Variants in PSMB2 observed in about 807,000 individuals in gnomAD.
PSMB2 encodes the protein proteasome subunit beta type-2.
Under a neutral mutation model 25.7 loss-of-function variants are expected in PSMB2, and 13 were observed. The ratio of observed to expected loss-of-function variants is 0.51; its 90% CI spans 0.33 to 0.80. The LOEUF is 0.80. Ranked by LOEUF, PSMB2 falls within the 30% of genes least tolerant of loss-of-function variation. The pLI is 0.02. For missense variants in PSMB2, 202 were observed against 259.0 expected, an observed-to-expected ratio of 0.78 and a Z score of 1.51; for synonymous variants, 87 against 96.2, an observed-to-expected ratio of 0.90 and a Z score of 0.56.
intron 3 of PSMB2, among the ~76,000 whole-genome samples, chr1:35,622,845 A>T (rs934417075): frequency 2.6e-5 from 4 of 151,998 alleles, no homozygotes; most frequent in African/African-American, 9.7e-5. Flanking sequence ...AGAAAAAAAA[A>T]TTTCCTGATA....
intron 1 of PSMB2, among the ~76,000 whole-genome samples, chr1:35,640,636 A>C (rs1557461838): frequency 6.6e-6 from 1 of 151,820 alleles, no homozygotes; most frequent in Non-Finnish European, 1.5e-5. Context: ...GACACCAGGA[A>C]ACTTATCAGA....
At chr1:35,626,678 A>G (rs1370449425) in intron 3 of PSMB2, among the ~76,000 whole-genome samples, 1 of 152,266 alleles carries the variant, frequency 6.6e-6, no homozygotes, top group African/African-American at 2.4e-5. Flanking sequence ...TTGGAAACAT[A>G]TCTAAGAGAA....
intron 3 of PSMB2, among the ~76,000 whole-genome samples, chr1:35,630,248 CAGTCACAGGTATTA>C: frequency 6.6e-6 from 1 of 152,150 alleles, no homozygotes; most frequent in East Asian, 1.9e-4. Flanking sequence ...TAGAGACTTT[CAGTCACAGGTATTA>C]AGTAATATGG....
rs545564976 is a variant in PSMB2 at position 35,612,863 on chromosome 1, A to G, written c.286-3455T>C. ...TTAGAACCCAGATGTTTTGTCTTCA[A>G]TGAAGATCTTGTCCATACTATGAGA... is the stretch of plus-strand genomic sequence containing the variant. On this transcript the variant is annotated intron_variant, in intron 3 of 5. Coordinates refer to ENST00000373237, the MANE Select transcript of PSMB2 (RefSeq NM_002794.5). 1.2e-4 allele frequency among the ~76,000 whole-genome samples: 18 copies of G among 152,358 alleles called. No homozygotes were observed. The East Asian group carries it at 2.1e-3, about 18-fold the overall frequency.
chr1:35,637,465 T>C (rs1190279882), intron 1 of PSMB2, among the ~76,000 whole-genome samples: 3 of 152,174 alleles, frequency 2.0e-5, no homozygotes, highest in East Asian at 3.8e-4. Context: ...GTTACAGTTA[T>C]TGCCTAAGGA....
chr1:35,629,597 C>A (rs1435087463), intron 3 of PSMB2, among the ~76,000 whole-genome samples: 1 of 152,022 alleles, frequency 6.6e-6, no homozygotes, highest in Non-Finnish European at 1.5e-5. Context: ...TTGCTTGAGT[C>A]CAGGAGTTCA....
chr1:35,601,240 T>C lies in PSMB2; in HGVS notation c.*2027A>G. On this transcript the variant is annotated 3_prime_UTR_variant, in exon 6 of 6. Coordinates refer to ENST00000373237, the MANE Select transcript of PSMB2 (RefSeq NM_002794.5). ...TGCCACCACGCCTGGCTAATTGTTATATATTTTTTTAGTAGAGATGGGGTT... is the reference window on the plus strand; with the variant it reads ...TGCCACCACGCCTGGCTAATTGTTACATATTTTTTTAGTAGAGATGGGGTT... The C allele has an allele frequency of 1.7e-6, 1 of 590,610 alleles. No homozygotes were observed. Among genetic ancestry groups the C allele is most frequent in the Non-Finnish European group, 2.1e-6 (1 of 469,752 alleles). The allele number at this position is 590,610 out of a possible 1,614,324, so 36.6% of individuals were successfully genotyped here.
intron 3 of PSMB2, among the ~76,000 whole-genome samples, chr1:35,624,211 T>G (rs1463309199): frequency 1.3e-5 from 2 of 152,192 alleles, no homozygotes; most frequent in African/African-American, 2.4e-5. Context: ...GGTTGTGGTC[T>G]TGACATAAGA....
chr1:35,617,691 C>A (rs544215080), intron 3 of PSMB2, among the ~76,000 whole-genome samples: 181 of 152,196 alleles, frequency 1.2e-3, no homozygotes, highest in Admixed American at 2.1e-3. Context: ...AAACAGTATA[C>A]GTGAAGACAA....
At chr1:35,640,905 G>C (rs557929827) in intron 1 of PSMB2, among the ~76,000 whole-genome samples, 8 of 152,268 alleles carry the variant, frequency 5.3e-5, no homozygotes, top group Non-Finnish European at 1.0e-4. Flanking sequence ...AAATGCCAAG[G>C]TCCCAGACCT....
chr1:35,640,182 C>T (rs147705561), intron 1 of PSMB2, among the ~76,000 whole-genome samples: 296 of 152,228 alleles, frequency 1.9e-3, no homozygotes, highest in Admixed American at 7.3e-3. Context: ...TTTTCCTTAA[C>T]TGATCAAAGA....
chr1:35,623,025 A>G (rs914318178), intron 3 of PSMB2, among the ~76,000 whole-genome samples: 7 of 152,224 alleles, frequency 4.6e-5, no homozygotes, highest in Admixed American at 3.9e-4. Flanking sequence ...TCCTCCTAGT[A>G]GAAAAACACT....
intron 3 of PSMB2, among the ~76,000 whole-genome samples, chr1:35,626,297 G>T (rs1277307955): frequency 1.3e-5 from 2 of 152,062 alleles, no homozygotes; most frequent in African/African-American, 4.8e-5. Context: ...GTCTTCTGAT[G>T]ATTTCATGCC....
At chr1:35,605,400 A>C in intron 4 of PSMB2, 118 bp from the exon 5 acceptor site, 1 of 1,017,556 alleles carries the variant, frequency 9.8e-7, no homozygotes, top group Non-Finnish European at 1.5e-6. Flanking sequence ...ACAAACGTAA[A>C]AGGCAAAAAA....
In PSMB2 at chr1:35,600,279, T is replaced by C; in HGVS notation, c.*2988A>G. On this transcript the variant is annotated 3_prime_UTR_variant, in exon 6 of 6. Coordinates refer to ENST00000373237, the MANE Select transcript of PSMB2 (RefSeq NM_002794.5). ...CCCAGCTAAATGCAATGTTGTATCTTGGATTATATCCTAGAACAGAAGAAA... is the reference window on the plus strand; with the variant it reads ...CCCAGCTAAATGCAATGTTGTATCTCGGATTATATCCTAGAACAGAAGAAA... 2.0e-6 allele frequency: 2 copies of C among 976,274 alleles called. No individual in the cohort carries two copies. The highest frequency in any genetic ancestry group is 9.5e-5 in the South Asian group (2 of 21,118). 60.5% of individuals were successfully genotyped at this position (976,274 alleles called of 1,614,324 possible).
At chr1:35,608,553 C>T (rs925749272) in intron 4 of PSMB2, among the ~76,000 whole-genome samples, 7 of 152,098 alleles carry the variant, frequency 4.6e-5, no homozygotes, top group African/African-American at 1.4e-4. Context: ...GATCTGTTTA[C>T]ATTACATGTA....
Position 35,628,648 on chromosome 1 carries a change from T to TTTA in PSMB2, c.285+2625_285+2626insTAA, listed in dbSNP as rs1553125213. On this transcript the variant is annotated intron_variant, in intron 3 of 5. Transcript: ENST00000373237. ...ATATATATATTTTTTTTTTTTTTTT[T>TTTA]AAAGAAAAGACTACTGATCTTTCAC... Among the ~76,000 whole-genome samples the TTTA allele has an allele frequency of 8.1e-3, 281 of 34,534 alleles. 28 individuals are homozygous for TTTA. Among genetic ancestry groups the TTTA allele is most frequent in the Non-Finnish European group, 0.018 (209 of 11,534 alleles). The allele number at this position is 34,534 out of a possible 152,430, so 22.7% of individuals were successfully genotyped here.
At chr1:35,640,060 A>ATACTATACTATAC (rs371010677) in intron 1 of PSMB2, among the ~76,000 whole-genome samples, 11,058 of 147,264 alleles carry the variant, frequency 0.075, 619 homozygotes, top group Middle Eastern at 0.12. Flanking sequence ...AAGTACTATA[A>ATACTATACTATAC]TATACTATAC....
intron 2 of PSMB2, among the ~76,000 whole-genome samples, chr1:35,634,766 G>T (rs1007038396): frequency 2.7e-5 from 4 of 150,724 alleles, no homozygotes; most frequent in African/African-American, 9.8e-5. Flanking sequence ...CCTCCAAGAT[G>T]GTGTTGGGTT....
Sources: gnomAD v4.1 joint callset for allele counts (sites outside exome capture counted in the v4.1 genomes callset) on GRCh38, gnomAD v4.1.1 for gene constraint, MANE v1.5 for transcripts, NCBI Gene and HGNC (gene_info 2026-07-23, HGNC 2026-07-21) for gene names.